The following SPATA6 variants were observed in gnomAD, a reference collection of about 807,000 sequenced individuals.
SPATA6 encodes the protein spermatogenesis-associated protein 6.
SPATA6 carries 56 observed loss-of-function variants against 65.3 expected under a neutral mutation model. The observed-to-expected ratio is 0.86, with a 90% confidence interval of 0.69 to 1.07. The LOEUF (loss-of-function observed/expected upper bound fraction) is 1.07, where lower values mean the gene tolerates loss of function less well. SPATA6 is among the 50% of genes least tolerant of loss of function. SPATA6 has a pLI of 0.00. For missense variants in SPATA6, 590 were observed against 594.8 expected, an observed-to-expected ratio of 0.99 and a Z score of 0.08; for synonymous variants, 199 against 213.2, an observed-to-expected ratio of 0.93 and a Z score of 0.58.
the SPATA6 span, among the ~76,000 whole-genome samples, chr1:48,282,408 T>A: frequency 6.6e-6 from 1 of 151,928 alleles, no homozygotes; most frequent in African/African-American, 2.4e-5. Flanking sequence ...ACCTACAAAA[T>A]GGGAGAAAAT....
intron 9 of SPATA6, among the ~76,000 whole-genome samples, chr1:48,369,564 G>A (rs370460270): frequency 9.2e-5 from 14 of 152,328 alleles, no homozygotes; most frequent in South Asian, 6.2e-4. Context: ...CTCCGTGGGC[G>A]TAGGACCCTC....
the SPATA6 span, among the ~76,000 whole-genome samples, chr1:48,287,963 TTGAAA>T: frequency 1.3e-5 from 2 of 152,248 alleles, no homozygotes; most frequent in Non-Finnish European, 1.5e-5. Flanking sequence ...TTTTATTGTG[TTGAAA>T]TAAGTTTCCT....
the SPATA6 span, among the ~76,000 whole-genome samples, chr1:48,274,492 T>C: frequency 6.6e-6 from 1 of 152,190 alleles, no homozygotes; most frequent in Admixed American, 6.5e-5. Flanking sequence ...TTTAAGTCTT[T>C]AATCCATCTT....
chr1:48,375,072 G>C (rs555644188), intron 9 of SPATA6, among the ~76,000 whole-genome samples: 30 of 152,248 alleles, frequency 2.0e-4, no homozygotes, highest in Non-Finnish European at 3.7e-4. Context: ...CCACAGCTAA[G>C]ATCTTCAACT....
At chr1:48,436,443 T>C in intron 3 of SPATA6, 1 of 1,607,732 alleles carries the variant, frequency 6.2e-7, no homozygotes, top group Non-Finnish European at 8.5e-7. Context: ...TGAGTGAAAC[T>C]TTAATAAGAA....
chr1:48,446,248 T>C (rs2148131580), intron 3 of SPATA6, among the ~76,000 whole-genome samples: 1 of 152,232 alleles, frequency 6.6e-6, no homozygotes, highest in Middle Eastern at 3.4e-3. Flanking sequence ...GAAAAAGAAA[T>C]CACTCTACTG....
chr1:48,286,672 T>C, the SPATA6 span, among the ~76,000 whole-genome samples: 1 of 152,130 alleles, frequency 6.6e-6, no homozygotes, highest in African/African-American at 2.4e-5. Flanking sequence ...GGCTAGGTAA[T>C]ATAGTTTTGT....
At chr1:48,363,717 T>C (rs1001590065) in intron 9 of SPATA6, among the ~76,000 whole-genome samples, 2 of 151,926 alleles carry the variant, frequency 1.3e-5, no homozygotes, top group African/African-American at 4.8e-5. Context: ...ACTAATATTT[T>C]TAAACTAATC....
At chr1:48,300,006 A>C (rs188999190) in intron 12 of SPATA6, among the ~76,000 whole-genome samples, 1 of 152,298 alleles carries the variant, frequency 6.6e-6, no homozygotes, top group East Asian at 1.9e-4. Context: ...CTTAAGGAAA[A>C]AAGAAGGTGG....
intron 3 of SPATA6, among the ~76,000 whole-genome samples, chr1:48,430,551 A>G (rs979222472): frequency 2.0e-5 from 3 of 152,200 alleles, no homozygotes; most frequent in Non-Finnish European, 4.4e-5. Context: ...AAAGATCTCA[A>G]TAAAGGTAAA....
chr1:48,438,691 G>A (rs553069586), intron 3 of SPATA6, among the ~76,000 whole-genome samples: 28 of 152,254 alleles, frequency 1.8e-4, no homozygotes, highest in African/African-American at 5.5e-4. Context: ...TCTAACGCCT[G>A]TCAGACAAAC....
chr1:48,311,669 T>C (rs866416828), intron 11 of SPATA6, among the ~76,000 whole-genome samples: 4 of 152,300 alleles, frequency 2.6e-5, no homozygotes, highest in South Asian at 2.1e-4. Context: ...GATTTCTGCA[T>C]TTCCAACTGA....
intron 3 of SPATA6, among the ~76,000 whole-genome samples, chr1:48,429,899 A>G (rs1288302759): frequency 6.6e-6 from 1 of 152,196 alleles, no homozygotes; most frequent in Non-Finnish European, 1.5e-5. Context: ...AGAAGAATGA[A>G]TCAGTGAACT....
intron 11 of SPATA6, among the ~76,000 whole-genome samples, chr1:48,313,515 G>C (rs531750666): frequency 1.8e-3 from 269 of 152,212 alleles, no homozygotes; most frequent in Non-Finnish European, 2.7e-3. Context: ...GTCACCACCA[G>C]GCCTGCCCTA....
chr1:48,384,715 C>T (rs566645428), intron 9 of SPATA6, among the ~76,000 whole-genome samples: 36 of 152,156 alleles, frequency 2.4e-4, no homozygotes, highest in Admixed American at 3.9e-4. Flanking sequence ...CACCTCTCTA[C>T]CATTACTTCT....
intron 1 of SPATA6, among the ~76,000 whole-genome samples, chr1:48,461,479 A>G (rs1210811790): frequency 2.0e-5 from 3 of 152,164 alleles, no homozygotes; most frequent in Non-Finnish European, 4.4e-5. Flanking sequence ...TAGGTCTAAC[A>G]TTTAAGTCTT....
chr1:48,434,172 A>T (rs1250122791), intron 3 of SPATA6, among the ~76,000 whole-genome samples: 1 of 151,596 alleles, frequency 6.6e-6, no homozygotes, highest in East Asian at 1.9e-4. Flanking sequence ...AGTTATATGA[A>T]GCATTTTATG....
chr1:48,262,626 AAAATGAAG>A, the SPATA6 span: 1 of 152,178 alleles, frequency 6.6e-6, no homozygotes, highest in African/African-American at 2.4e-5. Context: ...TCATTTTAGA[AAAATGAAG>A]AAATGTACAT....
At chr1:48,359,121 G>C (rs1646737963) in intron 10 of SPATA6, among the ~76,000 whole-genome samples, 1 of 152,140 alleles carries the variant, frequency 6.6e-6, no homozygotes, top group Non-Finnish European at 1.5e-5. Context: ...CATTTTTAAA[G>C]GGAGAGCTGG....
Sources: gnomAD v4.1 joint callset for allele counts (sites outside exome capture counted in the v4.1 genomes callset) on GRCh38, gnomAD v4.1.1 for gene constraint, MANE v1.5 for transcripts, NCBI Gene and HGNC (gene_info 2026-07-23, HGNC 2026-07-21) for gene names.